The following ASAP1 variants were observed in gnomAD, a reference collection of about 807,000 sequenced individuals.
The protein encoded by ASAP1 is ArfGAP with SH3 domain, ankyrin repeat and PH domain 1.
ASAP1 carries 43 observed loss-of-function variants against 145.2 expected under a neutral mutation model. The ratio of observed to expected loss-of-function variants is 0.30; its 90% CI spans 0.23 to 0.38. ASAP1 has a LOEUF of 0.38. Among genes scored for constraint, ASAP1 ranks in the 10% least tolerant of loss-of-function variants. ASAP1 has a pLI of 1.00. For synonymous variants in ASAP1, 546 were observed against 515.5 expected (o/e 1.06, Z -0.80); for missense variants, 1,018 against 1,355.3 (o/e 0.75, Z 3.91).
chr8:130,418,281 C>T (rs904915610), intron 1 of ASAP1, among the ~76,000 whole-genome samples: 29 of 152,174 alleles, frequency 1.9e-4, no homozygotes, highest in African/African-American at 6.5e-4. Flanking sequence ...CCGGCACGGT[C>T]GCACACACCT....
intron 3 of ASAP1, among the ~76,000 whole-genome samples, chr8:130,250,462 T>C (rs542567077): frequency 3.9e-5 from 6 of 152,170 alleles, no homozygotes; most frequent in Non-Finnish European, 7.3e-5. Flanking sequence ...AAGCTTACTA[T>C]AGTTGCTTCA....
intron 15 of ASAP1, among the ~76,000 whole-genome samples, chr8:130,131,056 C>CT (rs2097582201): frequency 6.6e-6 from 1 of 152,042 alleles, no homozygotes; most frequent in Non-Finnish European, 1.5e-5. Context: ...ACTCGCGAGG[C>CT]TGAGGCAGCA....
chr8:130,072,830 C>CGCGCGCGCGCGCGCGCGCGCG (rs1448184178), intron 27 of ASAP1, among the ~76,000 whole-genome samples: 1 of 31,920 alleles, frequency 3.1e-5, no homozygotes, highest in African/African-American at 2.0e-4. Context: ...TGTGTGCGCG[C>CGCGCGCGCGCGCGCGCGCGCG]GGGGGGGGGC....
intron 3 of ASAP1, among the ~76,000 whole-genome samples, chr8:130,283,293 A>G (rs1821363586): frequency 6.6e-6 from 1 of 152,074 alleles, no homozygotes; most frequent in Admixed American, 6.5e-5. Context: ...ACAAAAACCA[A>G]AAAAACACTG....
At chr8:130,349,861 G>A (rs1017870713) in intron 3 of ASAP1, among the ~76,000 whole-genome samples, 3 of 152,198 alleles carry the variant, frequency 2.0e-5, no homozygotes, top group Non-Finnish European at 4.4e-5. Context: ...ATCAAATGGG[G>A]AAACAGAGGC....
chr8:130,322,587 C>T (rs958830465), intron 3 of ASAP1, among the ~76,000 whole-genome samples: 5 of 152,152 alleles, frequency 3.3e-5, no homozygotes, highest in African/African-American at 1.2e-4. Context: ...CATTACTGAC[C>T]TTCTAACAAT....
intron 2 of ASAP1, among the ~76,000 whole-genome samples, chr8:130,389,087 G>A (rs1016962849): frequency 9.2e-5 from 14 of 152,338 alleles, no homozygotes; most frequent in South Asian, 6.2e-4. Context: ...CCTGGCTCAC[G>A]TTAAATGCTC....
chr8:130,138,836 C>CAA (rs754901058), intron 13 of ASAP1, among the ~76,000 whole-genome samples: 14,068 of 81,188 alleles, frequency 0.17, 942 homozygotes, highest in South Asian at 0.37. Context: ...AACTCCGTCT[C>CAA]AAAAAAAAAA....
intron 13 of ASAP1, among the ~76,000 whole-genome samples, chr8:130,146,494 C>T (rs534626467): frequency 1.6e-4 from 25 of 152,010 alleles, no homozygotes; most frequent in East Asian, 5.8e-4. Context: ...TCTGTTGGAG[C>T]GAAGAAAAAT....
intron 3 of ASAP1, among the ~76,000 whole-genome samples, chr8:130,342,471 A>C (rs1825446030): frequency 6.6e-6 from 1 of 152,182 alleles, no homozygotes; most frequent in South Asian, 2.1e-4. Flanking sequence ...GTCCATTCTA[A>C]GCTGAAATCC....
At chr8:130,116,637 A>G (rs2097556519) in intron 22 of ASAP1, 41 bp downstream of exon 22, 3 of 1,549,282 alleles carry the variant, frequency 1.9e-6, no homozygotes, top group East Asian at 4.5e-5. Flanking sequence ...CTTTTAAGGC[A>G]GCCAATGTCT....
chr8:130,399,082 C>T (rs1828662205), intron 2 of ASAP1, among the ~76,000 whole-genome samples: 1 of 152,208 alleles, frequency 6.6e-6, no homozygotes, highest in Admixed American at 6.5e-5. Context: ...TTCCAGGAAA[C>T]ATCCTTAAAG....
At chr8:130,253,223 A>G (rs1586688833) in intron 3 of ASAP1, among the ~76,000 whole-genome samples, 2 of 152,186 alleles carry the variant, frequency 1.3e-5, no homozygotes, top group Admixed American at 6.5e-5. Flanking sequence ...CACTACTTAC[A>G]TGACCTGGGC....
rs869073604 is a variant in ASAP1, at chr8:130,133,662, C to CAAAA, written c.1217+630_1217+633dup. The stretch of plus-strand genomic sequence containing the variant: ...TGGGCGACAGAGCGAGACTCCGTCT[C>CAAAA]AAAAACAAACAAACAAACAAACAAA... On this transcript the variant is annotated intron_variant, in intron 15 of 29. Transcript: ENST00000518721. 6.5e-4 allele frequency among the ~76,000 whole-genome samples: 94 copies of CAAAA among 145,486 alleles called. 1 individual carries two copies. Among genetic ancestry groups the CAAAA allele is most frequent in the Non-Finnish European group, 1.1e-3 (76 of 66,366 alleles).
chr8:130,211,341 T>C (rs1446700662), intron 5 of ASAP1, among the ~76,000 whole-genome samples: 1 of 152,204 alleles, frequency 6.6e-6, no homozygotes, highest in Non-Finnish European at 1.5e-5. Flanking sequence ...GCACTGTTAA[T>C]GCCAACATCT....
At chr8:130,400,754 G>A (rs1469030522) in intron 2 of ASAP1, among the ~76,000 whole-genome samples, 2 of 149,038 alleles carry the variant, frequency 1.3e-5, no homozygotes, top group Non-Finnish European at 1.5e-5. Context: ...TAGCGCCACT[G>A]CGCTCCAGCC....
chr8:130,176,613 A>G (rs1002407661), intron 9 of ASAP1, among the ~76,000 whole-genome samples: 1 of 151,926 alleles, frequency 6.6e-6, no homozygotes, highest in Non-Finnish European at 1.5e-5. Flanking sequence ...TCCAAGTTCA[A>G]TGACAAGTCC....
chr8:130,320,167 A>G (rs892856439), intron 3 of ASAP1, among the ~76,000 whole-genome samples: 3 of 152,256 alleles, frequency 2.0e-5, no homozygotes, highest in Admixed American at 2.0e-4. Context: ...CTATATTTTA[A>G]TGCAAAACCA....
chr8:130,385,594 C>T (rs1039840403), intron 2 of ASAP1, among the ~76,000 whole-genome samples: 25 of 152,212 alleles, frequency 1.6e-4, no homozygotes, highest in African/African-American at 6.0e-4. Context: ...GTAGGAATCT[C>T]AACTGGTCTC....
Sources: gnomAD v4.1 joint callset for allele counts (sites outside exome capture counted in the v4.1 genomes callset) on GRCh38, gnomAD v4.1.1 for gene constraint, MANE v1.5 for transcripts, NCBI Gene and HGNC (gene_info 2026-07-23, HGNC 2026-07-21) for gene names.